The following DLC1 variants were observed in gnomAD, a reference collection of about 807,000 sequenced individuals.
DLC1 encodes DLC1 Rho GTPase activating protein.
Under a neutral mutation model 140.3 loss-of-function variants are expected in DLC1, and 54 were observed. That is an observed-to-expected ratio of 0.38 (90% CI 0.31 to 0.48). The LOEUF is 0.48. DLC1 is among the 20% of genes least tolerant of loss of function. The pLI is 0.96. For missense variants in DLC1, 2,536 were observed against 1,907.0 expected (o/e 1.33, Z -6.14); for synonymous variants, 986 against 728.1 (o/e 1.35, Z -5.70).
chr8:13,253,640 C>G (rs1406346), intron 5 of DLC1, among the ~76,000 whole-genome samples: 5,835 of 152,236 alleles, frequency 0.038, 164 homozygotes, highest in South Asian at 0.067. Flanking sequence ...CCTGTTTTAA[C>G]CGAAAATAGC....
intron 5 of DLC1, among the ~76,000 whole-genome samples, chr8:13,173,768 G>C (rs1382411559): frequency 2.6e-5 from 4 of 152,210 alleles, no homozygotes; most frequent in African/African-American, 9.7e-5. Flanking sequence ...AATGGTTTGA[G>C]AGTTGGAATG....
intron 5 of DLC1, among the ~76,000 whole-genome samples, chr8:13,300,228 A>G (rs1292072600): frequency 6.6e-6 from 1 of 152,216 alleles, no homozygotes. Flanking sequence ...TAGGAGCTGA[A>G]CAATGAGAAC....
At chr8:13,408,649 C>A (rs554530173) in intron 2 of DLC1, among the ~76,000 whole-genome samples, 1 of 152,218 alleles carries the variant, frequency 6.6e-6, no homozygotes, top group South Asian at 2.1e-4. Context: ...TATGCTGGAA[C>A]CAGTCTTCAT....
intron 5 of DLC1, among the ~76,000 whole-genome samples, chr8:13,188,811 A>G (rs542173089): frequency 2.7e-4 from 10 of 36,970 alleles, no homozygotes; most frequent in African/African-American, 1.1e-3. Context: ...GTATATATAT[A>G]TATATATATA....
chr8:13,140,142 T>C (rs191224136), intron 5 of DLC1, among the ~76,000 whole-genome samples: 213 of 152,306 alleles, frequency 1.4e-3, no homozygotes, highest in Non-Finnish European at 2.6e-3. Flanking sequence ...ATAGGCAGAA[T>C]CATACAACAG....
chr8:13,358,350 C>T (rs1835046766), intron 4 of DLC1, among the ~76,000 whole-genome samples: 1 of 152,064 alleles, frequency 6.6e-6, no homozygotes, highest in African/African-American at 2.4e-5. Context: ...GTTTTGTCAC[C>T]CCCAGGTTAG....
At chr8:13,415,934 C>A (rs1563328688) in intron 2 of DLC1, among the ~76,000 whole-genome samples, 1 of 152,128 alleles carries the variant, frequency 6.6e-6, no homozygotes, top group Non-Finnish European at 1.5e-5. Flanking sequence ...CGAAATTTCT[C>A]CTGGGAAGTT....
intron 2 of DLC1, among the ~76,000 whole-genome samples, chr8:13,454,580 G>A (rs1402257238): frequency 2.0e-5 from 3 of 152,192 alleles, no homozygotes; most frequent in African/African-American, 7.2e-5. Flanking sequence ...TTCAGAGATA[G>A]GGTCTTGCTC....
At chr8:13,527,469 A>G (rs1802952359) in intron 1 of DLC1, among the ~76,000 whole-genome samples, 1 of 152,084 alleles carries the variant, frequency 6.6e-6, no homozygotes. Context: ...TATCTTTTAT[A>G]TATTATTGAA....
Position 13,401,577 on chromosome 8 carries a change from C to G in DLC1, c.1066G>C (p.Val356Leu). The G allele has an allele frequency of 6.2e-7, 1 of 1,613,846 alleles. No homozygotes were observed. The highest frequency in any genetic ancestry group is 8.5e-7 in the Non-Finnish European group (1 of 1,180,000). The part of the protein sequence containing the change: ...DRDRARLDSM[V>L]LLIMKLDQLD... ...TGGTCCAGTTTCATAATCAGCAGCA[C>G]CATGGAGTCCAGCCGCGCCCTATCT... The change falls in exon 3 of 18, where the codon GTG (valine) becomes CTG (leucine). Residue 356 changes from valine to leucine, a missense_variant. Val to Leu is a conservative substitution (Grantham distance 32). Coordinates refer to ENST00000276297, the MANE Select transcript of DLC1 (RefSeq NM_182643.3).
chr8:13,494,912 C>G (rs1013409083), intron 2 of DLC1, among the ~76,000 whole-genome samples: 4 of 152,144 alleles, frequency 2.6e-5, no homozygotes, highest in Admixed American at 1.3e-4. Context: ...GATCACACCC[C>G]TGCACTCCAG....
intron 1 of DLC1, among the ~76,000 whole-genome samples, chr8:13,503,240 C>A (rs941428134): frequency 1.3e-5 from 2 of 151,888 alleles, no homozygotes; most frequent in Admixed American, 6.6e-5. Flanking sequence ...GATGTTTCTA[C>A]AAAAAATGCA....
intron 1 of DLC1, among the ~76,000 whole-genome samples, chr8:13,579,972 C>T (rs940612692): frequency 1.3e-5 from 2 of 152,068 alleles, no homozygotes; most frequent in Admixed American, 1.3e-4. Flanking sequence ...AGCCTAGTAT[C>T]AGTCATGGAC....
chr8:13,293,096 G>A (rs1472680200), intron 5 of DLC1, among the ~76,000 whole-genome samples: 1 of 152,276 alleles, frequency 6.6e-6, no homozygotes, highest in East Asian at 1.9e-4. Flanking sequence ...TGGTCATGGT[G>A]GTGCATGCGT....
rs796890832 is a variant in DLC1 at position 13,415,796 on chromosome 8, TC to T, written c.1024-14178del. Among the ~76,000 whole-genome samples the T allele has an allele frequency of 1.5e-4, 23 of 152,252 alleles. 1 individual carries two copies. The highest frequency in any genetic ancestry group is 5.3e-4 in the African/African-American group (22 of 41,552). ...TGGATAGTATGTTCATGATTTTTTT[TC>T]TCTACATATACACAAACTGATAAAT... On this transcript the variant is annotated intron_variant, in intron 2 of 17. Coordinates refer to ENST00000276297, the MANE Select transcript of DLC1 (RefSeq NM_182643.3).
At chr8:13,526,240 G>A (rs951798659) in intron 1 of DLC1, among the ~76,000 whole-genome samples, 1 of 152,056 alleles carries the variant, frequency 6.6e-6, no homozygotes, top group East Asian at 1.9e-4. Flanking sequence ...TTTACACCAA[G>A]TATTATAAGT....
At chr8:13,564,707 C>G (rs1349224849) in intron 1 of DLC1, among the ~76,000 whole-genome samples, 3 of 152,174 alleles carry the variant, frequency 2.0e-5, no homozygotes, top group African/African-American at 7.2e-5. Context: ...TTGACTTCCT[C>G]TTTCTGGGGT....
At chr8:13,466,762 C>A (rs1181817963) in intron 2 of DLC1, among the ~76,000 whole-genome samples, 6 of 152,148 alleles carry the variant, frequency 3.9e-5, no homozygotes, top group Admixed American at 3.9e-4. Context: ...CACCAAAGTT[C>A]TATGTACATT....
chr8:13,411,314 A>G (rs1191880931), intron 2 of DLC1, among the ~76,000 whole-genome samples: 1 of 152,236 alleles, frequency 6.6e-6, no homozygotes, highest in African/African-American at 2.4e-5. Flanking sequence ...CAGTCTGACG[A>G]GCTATCTACT....
Sources: gnomAD v4.1 joint callset for allele counts (sites outside exome capture counted in the v4.1 genomes callset) on GRCh38, gnomAD v4.1.1 for gene constraint, MANE v1.5 for transcripts, NCBI Gene and HGNC (gene_info 2026-07-23, HGNC 2026-07-21) for gene names.